SLC9C2: variants seen among roughly 807,000 people sequenced by gnomAD.
SLC9C2 encodes the protein sodium/hydrogen exchanger 11.
Under a neutral mutation model 140.2 loss-of-function variants are expected in SLC9C2, and 75 were observed. The observed-to-expected ratio is 0.53, with a 90% CI of 0.44 to 0.65. SLC9C2 has a LOEUF of 0.65. SLC9C2 is among the 30% of genes least tolerant of loss of function. The pLI is 0.00. For missense variants in SLC9C2, 1,074 were observed against 1,331.8 expected, an observed-to-expected ratio of 0.81 and a Z score of 3.01; for synonymous variants, 375 against 420.9, an observed-to-expected ratio of 0.89 and a Z score of 1.34.
chr1:173,556,221 T>C (rs755456608), intron 10 of SLC9C2, among the ~76,000 whole-genome samples: 19 of 152,182 alleles, frequency 1.2e-4, no homozygotes, highest in Non-Finnish European at 2.4e-4. Flanking sequence ...CTTCTCTAGC[T>C]AGCTCATAGT....
At chr1:173,541,061 A>G (rs1427237911) in intron 13 of SLC9C2, among the ~76,000 whole-genome samples, 1 of 152,214 alleles carries the variant, frequency 6.6e-6, no homozygotes, top group East Asian at 1.9e-4. Context: ...ACAGACTGGC[A>G]AATTGGATAA....
At chr1:173,538,699 G>T (rs1662153271) in intron 13 of SLC9C2, among the ~76,000 whole-genome samples, 1 of 152,128 alleles carries the variant, frequency 6.6e-6, no homozygotes. Context: ...ATGAAGAATG[G>T]TCGTGGGGCG....
At chr1:173,563,477 T>A (rs945551303) in intron 9 of SLC9C2, among the ~76,000 whole-genome samples, 2 of 152,148 alleles carry the variant, frequency 1.3e-5, no homozygotes, top group African/African-American at 4.8e-5. Flanking sequence ...CCAATCTAGT[T>A]ACTTTATCTT....
Position 173,601,611 on chromosome 1 carries a change from AG to A in SLC9C2, c.127+38del, listed in dbSNP as rs1456578670. 6 of 1,601,382 alleles carry A rather than the reference AG, an allele frequency of 3.7e-6. No individual in the cohort carries two copies. In the South Asian group the frequency reaches 5.6e-5, roughly 15 times the overall value. On this transcript the variant is annotated intron_variant, in intron 2 of 27. Coordinates refer to ENST00000367714, the MANE Select transcript of SLC9C2 (RefSeq NM_178527.4). The stretch of plus-strand genomic sequence containing the variant: ...CTTTCTGCATTGACAAAAGGTTCAC[AG>A]GGCAGAGGAAAGATGAGTTTCAAAA...
At position 173,517,922 on chromosome 1, in the gene SLC9C2, G is replaced by A. The variant is rs189958607; in HGVS notation, c.2740-218C>T. 1.1e-4 allele frequency among the ~76,000 whole-genome samples: 17 copies of A among 152,174 alleles called. No homozygotes were observed. In the East Asian group the frequency reaches 3.3e-3, roughly 29 times the overall value. ...TTTTTTTCTAATCTTTAGTTTTACA[G>A]ATGACCCCTATTTACAACTTTCTAC... On this transcript the variant is annotated intron_variant, in intron 22 of 27. Transcript: ENST00000367714.
intron 9 of SLC9C2, among the ~76,000 whole-genome samples, chr1:173,558,336 A>G (rs1663854329): frequency 6.6e-6 from 1 of 152,200 alleles, no homozygotes; most frequent in Non-Finnish European, 1.5e-5. Context: ...CGTGACTCTT[A>G]CCAACCTTTT....
intron 16 of SLC9C2, 38 bp from the exon 17 acceptor site, chr1:173,533,835 C>A (rs1330173845): frequency 1.3e-6 from 2 of 1,534,742 alleles, no homozygotes; most frequent in South Asian, 1.3e-5. Context: ...AGCACCTATA[C>A]AGTAATGTTG....
rs193200617 is a variant in SLC9C2, at chr1:173,580,647, C to A, written c.802+1200G>T. On this transcript the variant is annotated intron_variant, in intron 7 of 27. Coordinates refer to ENST00000367714, the MANE Select transcript of SLC9C2 (RefSeq NM_178527.4). ...GGATTACAGGCGTGAGCCACTGCAC[C>A]CAGCCTATCATACCACTTTTAAAGA... 6.6e-4 allele frequency among the ~76,000 whole-genome samples: 100 copies of A among 152,324 alleles called. 2 individuals are homozygous for A. The highest frequency in any genetic ancestry group is 6.4e-3 in the Admixed American group (98 of 15,304).
intron 22 of SLC9C2, among the ~76,000 whole-genome samples, chr1:173,520,502 A>G (rs1171618395): frequency 6.6e-6 from 1 of 152,228 alleles, no homozygotes; most frequent in Non-Finnish European, 1.5e-5. Context: ...TTAGGCTCCA[A>G]GAAGGCAGGA....
intron 27 of SLC9C2, among the ~76,000 whole-genome samples, 181 bp from the exon 28 acceptor site, chr1:173,501,278 T>C (rs779184673): frequency 3.9e-5 from 6 of 152,168 alleles, no homozygotes; most frequent in Non-Finnish European, 8.8e-5. Flanking sequence ...TACATGTGCA[T>C]CTCTACGCTG....
chr1:173,521,484 T>C (rs1388375586), intron 21 of SLC9C2, 85 bp from the exon 22 acceptor site: 2 of 159,712 alleles, frequency 1.3e-5, no homozygotes, highest in Non-Finnish European at 2.0e-5. Flanking sequence ...TTTCTATATA[T>C]ATATATATAT....
rs555001819 is a variant in SLC9C2 at position 173,540,019 on chromosome 1, C to G, written c.1558-2980G>C. 2.0e-5 allele frequency among the ~76,000 whole-genome samples: 3 copies of G among 152,122 alleles called. No homozygotes were observed. The East Asian group carries it at 5.8e-4, about 29-fold the overall frequency. On this transcript the variant is annotated intron_variant, in intron 13 of 27. Transcript: ENST00000367714. ...GACTCTGGACTGGTTTTGTGATTTG[C>G]TTTGACTAATAAAATGGGGGTAAAA...
In SLC9C2 at chr1:173,548,550, A is replaced by C. The variant is rs563596482; in HGVS notation, c.1300T>G (p.Leu434Val). The C allele has an allele frequency of 1.2e-6, 2 of 1,613,482 alleles. No individual in the cohort carries two copies. The highest frequency in any genetic ancestry group is 2.2e-5 in the South Asian group (2 of 91,052). ...VMTQSARKLD[L>V]CVLSLPRQMI... ...TGTCTTGGGAGGGAAAGAACACACAAATCTGTGACAAAGACAAAAGCAAAG... is the reference window on the plus strand; with the variant it reads ...TGTCTTGGGAGGGAAAGAACACACACATCTGTGACAAAGACAAAAGCAAAG... Residue 434 changes from leucine to valine, a missense_variant and splice_region_variant, in exon 12 of 28, where the codon TTG becomes GTG. By Grantham distance (32) the Leu-to-Val change is conservative (BLOSUM62 1). Transcript: ENST00000367714.
intron 19 of SLC9C2, among the ~76,000 whole-genome samples, chr1:173,526,235 C>T (rs571000036): frequency 2.6e-5 from 4 of 152,190 alleles, no homozygotes; most frequent in Non-Finnish European, 5.9e-5. Context: ...AAATGACATT[C>T]GTTGCAGCCC....
At chr1:173,538,591 G>T (rs963356887) in intron 13 of SLC9C2, among the ~76,000 whole-genome samples, 4 of 152,148 alleles carry the variant, frequency 2.6e-5, no homozygotes, top group African/African-American at 9.7e-5. Flanking sequence ...TCAGCACAGG[G>T]TGTTAATCAG....
chr1:173,537,971 C>T (rs1662099280), intron 13 of SLC9C2, among the ~76,000 whole-genome samples: 1 of 152,178 alleles, frequency 6.6e-6, no homozygotes, highest in Non-Finnish European at 1.5e-5. Flanking sequence ...ACTCCAACCA[C>T]TACTGCATTT....
chr1:173,558,211 A>T (rs1421965150), intron 9 of SLC9C2, among the ~76,000 whole-genome samples: 1 of 152,214 alleles, frequency 6.6e-6, no homozygotes, highest in Non-Finnish European at 1.5e-5. Context: ...CTATAATTGC[A>T]CAAGTCAATT....
chr1:173,532,382 G>T (rs187525130), intron 17 of SLC9C2, among the ~76,000 whole-genome samples: 1 of 152,138 alleles, frequency 6.6e-6, no homozygotes, highest in Non-Finnish European at 1.5e-5. Context: ...GAAGTTAAAA[G>T]CTTATGTAAT....
chr1:173,519,159 G>A (rs1283972798), intron 22 of SLC9C2, among the ~76,000 whole-genome samples: 1 of 152,008 alleles, frequency 6.6e-6, no homozygotes, highest in Non-Finnish European at 1.5e-5. Context: ...CAAGTAGAAG[G>A]GAGTCCATCA....
Sources: allele counts gnomAD v4.1 joint callset (sites outside exome capture counted in the v4.1 genomes callset), GRCh38; gene constraint gnomAD v4.1.1; transcripts MANE v1.5; gene names NCBI Gene and HGNC (gene_info 2026-07-23, HGNC 2026-07-21).